The following SMYD3 variants were observed in gnomAD, a reference collection of about 807,000 sequenced individuals.
SMYD3 encodes the protein SET and MYND domain containing 3, also known as histone-lysine N-methyltransferase SMYD3.
Under a neutral mutation model 57.7 loss-of-function variants are expected in SMYD3, and 36 were observed. The ratio of observed to expected loss-of-function variants is 0.62; its 90% CI spans 0.48 to 0.82. SMYD3 has a LOEUF of 0.82. Among genes scored for constraint, SMYD3 ranks in the 40% least tolerant of loss-of-function variants. The probability of loss-of-function intolerance (pLI) is 0.00; values close to 1 mark genes in which losing one functional copy is unlikely to be tolerated. For missense variants in SMYD3, 515 were observed against 538.8 expected (o/e 0.96, Z 0.44); for synonymous variants, 211 against 195.0 (o/e 1.08, Z -0.68).
At position 245,764,099 on chromosome 1, in the gene SMYD3, A is replaced by C. The variant is rs151331887; in HGVS notation, c.1127T>G (p.Val376Gly). 6.2e-7 allele frequency: 1 copy of C among 1,614,138 alleles called. No homozygotes were observed. Among genetic ancestry groups the C allele is most frequent in the East Asian group, 2.2e-5 (1 of 44,874 alleles). Residue 376 changes from valine to glycine, a missense_variant, in exon 11 of 12, where the codon GTT becomes GGT. Transcript: ENST00000490107. ...GCCTTGATGTAGCTGCAGTTTGCCA[A>C]CTTTCATCACTTGAACCCCTCTGAC... ...HPVRGVQVMK[V>G]GKLQLHQGMF...
chr1:245,924,683 G>A (rs560869559), intron 7 of SMYD3, among the ~76,000 whole-genome samples: 1 of 140,124 alleles, frequency 7.1e-6, no homozygotes, highest in South Asian at 2.4e-4. Context: ...TTTTTTCTGA[G>A]ATGGAGTTTC....
chr1:245,766,593 A>C (rs55797401), intron 10 of SMYD3, among the ~76,000 whole-genome samples: 4,008 of 152,210 alleles, frequency 0.026, 171 homozygotes, highest in African/African-American at 0.091. Flanking sequence ...GACAAAAGGC[A>C]TAAGGGCAGG....
chr1:246,435,202 T>C (rs1477067689), intron 1 of SMYD3, among the ~76,000 whole-genome samples: 1 of 152,188 alleles, frequency 6.6e-6, no homozygotes, highest in Non-Finnish European at 1.5e-5. Flanking sequence ...TGAAAAATTA[T>C]TGGGTACTAT....
chr1:245,864,172 A>C (rs1370953769), intron 8 of SMYD3, among the ~76,000 whole-genome samples: 4 of 152,194 alleles, frequency 2.6e-5, no homozygotes, highest in Non-Finnish European at 4.4e-5. Flanking sequence ...GTAGCTTTGG[A>C]AAACACTCTG....
chr1:246,194,663 T>C (rs1250509381), intron 5 of SMYD3, among the ~76,000 whole-genome samples: 1 of 152,200 alleles, frequency 6.6e-6, no homozygotes, highest in Non-Finnish European at 1.5e-5. Context: ...ACTAACCACA[T>C]GTAGCTATTT....
At chr1:246,045,823 C>T (rs1476743279) in intron 5 of SMYD3, among the ~76,000 whole-genome samples, 1 of 151,828 alleles carries the variant, frequency 6.6e-6, no homozygotes, top group African/African-American at 2.4e-5. Context: ...AGGATATGAA[C>T]AGACACTTCT....
At chr1:245,978,761 G>A (rs755997608) in intron 5 of SMYD3, among the ~76,000 whole-genome samples, 27 of 152,114 alleles carry the variant, frequency 1.8e-4, no homozygotes, top group South Asian at 6.2e-4. Context: ...TGGCCTTTCC[G>A]CCTTACTTCC....
chr1:246,082,017 T>C (rs1196550130), intron 5 of SMYD3, among the ~76,000 whole-genome samples: 1 of 152,236 alleles, frequency 6.6e-6, no homozygotes, highest in Non-Finnish European at 1.5e-5. Flanking sequence ...GAGAGGAATC[T>C]GGCGTGACTA....
At chr1:246,407,934 C>G (rs967487138) in intron 1 of SMYD3, among the ~76,000 whole-genome samples, 1 of 151,714 alleles carries the variant, frequency 6.6e-6, no homozygotes, top group South Asian at 2.1e-4. Flanking sequence ...GCATATTCAG[C>G]GTCTGAGAGC....
In SMYD3 at chr1:246,423,023, C is replaced by T. The variant is rs541678525; in HGVS notation, c.165-67929G>A. On this transcript the variant is annotated intron_variant, in intron 1 of 11. Coordinates refer to ENST00000490107, the MANE Select transcript of SMYD3 (RefSeq NM_001167740.2). ...AGGAAAATGGAGTGAGATGACCCGGCGCAGTGGCTCAGGCATATAATTCCA... is the reference window on the plus strand; with the variant it reads ...AGGAAAATGGAGTGAGATGACCCGGTGCAGTGGCTCAGGCATATAATTCCA... Among the ~76,000 whole-genome samples the T allele has an allele frequency of 2.9e-3, 439 of 152,192 alleles. 2 individuals carry two copies. The highest frequency in any genetic ancestry group is 0.01 in the African/African-American group (417 of 41,526).
chr1:246,176,239 G>C (rs553827353), intron 5 of SMYD3, among the ~76,000 whole-genome samples: 20 of 152,104 alleles, frequency 1.3e-4, no homozygotes, highest in Non-Finnish European at 2.5e-4. Flanking sequence ...AATCAGGTCA[G>C]CTGACAAAAT....
chr1:246,458,712 C>T (rs1322786262), intron 1 of SMYD3, among the ~76,000 whole-genome samples: 3 of 148,904 alleles, frequency 2.0e-5, no homozygotes, highest in East Asian at 2.0e-4. Flanking sequence ...GTGATCCGCC[C>T]GCCTCAGCCT....
chr1:246,495,304 A>G (rs4654115), intron 1 of SMYD3, among the ~76,000 whole-genome samples: 6 of 141,164 alleles, frequency 4.3e-5, no homozygotes, highest in East Asian at 2.1e-4. Context: ...AGCCGAGATC[A>G]TGCCACTGCA....
At chr1:245,912,947 A>G (rs1466965446) in intron 8 of SMYD3, among the ~76,000 whole-genome samples, 2 of 152,222 alleles carry the variant, frequency 1.3e-5, no homozygotes, top group Non-Finnish European at 2.9e-5. Flanking sequence ...TGTGGAAAAC[A>G]GTGTGGCGAT....
chr1:246,459,918 C>CAA (rs35958617), intron 1 of SMYD3, among the ~76,000 whole-genome samples: 2,597 of 87,760 alleles, frequency 0.03, 33 homozygotes, highest in Middle Eastern at 0.033. Context: ...TTCCGCCACC[C>CAA]AAAAAAAAAA....
At chr1:246,451,845 A>G (rs2067637936) in intron 1 of SMYD3, among the ~76,000 whole-genome samples, 1 of 152,224 alleles carries the variant, frequency 6.6e-6, no homozygotes, top group Admixed American at 6.5e-5. Context: ...TTAACTTTAG[A>G]TATCAAATAA....
At chr1:245,989,051 T>C (rs1433635763) in intron 5 of SMYD3, among the ~76,000 whole-genome samples, 1 of 152,250 alleles carries the variant, frequency 6.6e-6, no homozygotes, top group African/African-American at 2.4e-5. Flanking sequence ...CATTGTAACT[T>C]ATCCAGAATC....
At chr1:246,235,051 T>G (rs1000792810) in intron 5 of SMYD3, among the ~76,000 whole-genome samples, 7 of 152,200 alleles carry the variant, frequency 4.6e-5, no homozygotes, top group Admixed American at 4.6e-4. Context: ...TACTTTGCAT[T>G]AGGTTCCTAT....
chr1:246,506,763 C>T (rs563341920), intron 1 of SMYD3, among the ~76,000 whole-genome samples: 70 of 152,360 alleles, frequency 4.6e-4, no homozygotes, highest in African/African-American at 1.5e-3. Flanking sequence ...AACGCTTCCC[C>T]CTCAAGTCTG....
Sources: gnomAD v4.1 joint callset for allele counts (sites outside exome capture counted in the v4.1 genomes callset) on GRCh38, gnomAD v4.1.1 for gene constraint, MANE v1.5 for transcripts, NCBI Gene and HGNC (gene_info 2026-07-23, HGNC 2026-07-21) for gene names.